Variants in MIGA2 observed in about 807,000 individuals in gnomAD.
The protein encoded by MIGA2 is family with sequence similarity 73, member B.
MIGA2 carries 36 observed loss-of-function variants against 69.9 expected under a neutral mutation model. That is an observed-to-expected ratio of 0.52 (90% CI 0.39 to 0.68). The LOEUF is 0.68. Ranked by LOEUF, MIGA2 falls within the 30% of genes least tolerant of loss-of-function variation. The pLI is 0.00. For synonymous variants in MIGA2, 333 were observed against 349.2 expected (o/e 0.95, Z 0.52); for missense variants, 660 against 787.7 (o/e 0.84, Z 1.94).
intron 1 of MIGA2, among the ~76,000 whole-genome samples, chr9:129,037,222 G>A (rs1308917276): frequency 6.6e-6 from 1 of 152,124 alleles, no homozygotes; most frequent in African/African-American, 2.4e-5. Context: ...AGTCGGGGAC[G>A]TTGTTGGGGT....
chr9:129,060,557 C>G lies in MIGA2; in HGVS notation c.801C>G (p.Thr267=). 1 of 1,595,364 alleles carries G rather than the reference C, an allele frequency of 6.3e-7. No homozygotes were observed. Among genetic ancestry groups the G allele is most frequent in the Non-Finnish European group, 8.5e-7 (1 of 1,170,532 alleles). The change falls in exon 8 of 16, where the codon ACC becomes ACG. Residue 267 remains threonine, a synonymous_variant. Coordinates refer to ENST00000684074, the MANE Select transcript of MIGA2 (RefSeq NM_001329990.2). This position sits in a 1 kb window ranked among gnomAD's most constrained non-coding sequence, Gnocchi z 4.8. ...TCTCACTGCTCTTCCCAGAGAGGAC[C>G]CTCATGCTGCCCCTGACCGAGGGCT... is the stretch of plus-strand genomic sequence containing the variant. ...ADSMLLDLER[T]LMLPLTEGSL...
intron 5 of MIGA2, 103 bp downstream of exon 5, chr9:129,049,601 C>A: frequency 7.7e-7 from 1 of 1,296,512 alleles, no homozygotes; most frequent in East Asian, 2.4e-5. Flanking sequence ...CCTCACTACC[C>A]TGCCCCAAAT....
intron 3 of MIGA2, among the ~76,000 whole-genome samples, chr9:129,045,463 A>AAAAAAGC (rs1554839071): frequency 6.2e-5 from 9 of 144,858 alleles, no homozygotes; most frequent in African/African-American, 2.2e-4. Flanking sequence ...AAAAAAAAAA[A>AAAAAAGC]AAAAGCAAAA....
chr9:129,058,397 T>G (rs1845897902), intron 6 of MIGA2, among the ~76,000 whole-genome samples: 1 of 147,072 alleles, frequency 6.8e-6, no homozygotes. Context: ...AACGAGACCT[T>G]GTCTCAAAAA....
rs1846554688 is a variant in MIGA2 at position 129,069,556 on chromosome 9, G to A, written c.1459-293G>A. ...CCTGTGGTTTGTCGTTCCCCTCTGC[G>A]GGCCAGGCTCTGTTGCCTAGCTGAT... On this transcript the variant is annotated intron_variant, in intron 14 of 15. Coordinates refer to ENST00000684074, the MANE Select transcript of MIGA2 (RefSeq NM_001329990.2). The surrounding 1 kb of genome is among the most constrained non-coding windows in gnomAD (Gnocchi z 4.9). 1 of 530,186 alleles carries A rather than the reference G, an allele frequency of 1.9e-6. No homozygotes were observed. The highest frequency in any genetic ancestry group is 3.4e-6 in the Non-Finnish European group (1 of 292,770). The allele number at this position is 530,186 out of a possible 1,614,324, so 32.8% of individuals were successfully genotyped here. A position where few individuals can be genotyped will look rare whatever the true frequency, so the allele number is the denominator to read the frequency against.
At chr9:129,045,975 T>C (rs1393928935) in intron 3 of MIGA2, among the ~76,000 whole-genome samples, 1 of 151,562 alleles carries the variant, frequency 6.6e-6, no homozygotes, top group Non-Finnish European at 1.5e-5. Context: ...TGCCTCAGCC[T>C]CCTGAGTAGC....
At position 129,069,152 on chromosome 9, in the gene MIGA2, G is replaced by A. The variant is rs749757542; in HGVS notation, c.1458+23G>A. On this transcript the variant is annotated intron_variant, in intron 14 of 15. Transcript: ENST00000684074. The surrounding 1 kb of genome is among the most constrained non-coding windows in gnomAD (Gnocchi z 4.9). ...ATGGTGAGTGACTGGCAGGCCCGGG[G>A]GAGCACGAGCTGGGCTCTGAGGCAG... 4 of 1,613,456 alleles carry A rather than the reference G, an allele frequency of 2.5e-6. No homozygotes were observed. The highest frequency in any genetic ancestry group is 2.7e-5 in the African/African-American group (2 of 74,922).
rs1348780553 is a variant in MIGA2, at chr9:129,061,507, C to T, written c.1010+161C>T. Among the ~76,000 whole-genome samples, 2 of 152,182 alleles carry T rather than the reference C, an allele frequency of 1.3e-5. No individual in the cohort carries two copies. Among genetic ancestry groups the T allele is most frequent in the East Asian group, 3.8e-4 (2 of 5,196 alleles). Reference sequence around the variant, plus strand: ...GAGCTGGTGACAGCTCCTCCCCCAGCTGCAGAGGGCCTGGATGGACCCATA... The same window carrying T: ...GAGCTGGTGACAGCTCCTCCCCCAGTTGCAGAGGGCCTGGATGGACCCATA... On this transcript the variant is annotated intron_variant, in intron 9 of 15. Transcript: ENST00000684074. This position sits in a 1 kb window ranked among gnomAD's most constrained non-coding sequence, Gnocchi z 5.0.
intron 6 of MIGA2, among the ~76,000 whole-genome samples, chr9:129,056,754 A>G (rs1845816424): frequency 6.8e-6 from 1 of 147,218 alleles, no homozygotes; most frequent in Non-Finnish European, 1.5e-5. Context: ...CCTGACCTCA[A>G]GTGATCTGCC....
At chr9:129,050,857 C>T (rs190368774) in intron 6 of MIGA2, among the ~76,000 whole-genome samples, 21 of 151,524 alleles carry the variant, frequency 1.4e-4, no homozygotes, top group African/African-American at 1.9e-4. Context: ...AGGTGTGAGC[C>T]ACTGCACCCT....
At chr9:129,070,091 C>T in intron 15 of MIGA2, 126 bp downstream of exon 15, 1 of 1,218,114 alleles carries the variant, frequency 8.2e-7, no homozygotes, top group Non-Finnish European at 1.2e-6. Context: ...AGAGCCAGAC[C>T]CACATGGGTC....
At chr9:129,048,812 G>C (rs1472263194) in intron 4 of MIGA2, among the ~76,000 whole-genome samples, 1 of 152,188 alleles carries the variant, frequency 6.6e-6, no homozygotes, top group Non-Finnish European at 1.5e-5. Context: ...ATCAGCCACT[G>C]ACAAGCACCT....
At chr9:129,044,067 C>A (rs1447615162) in intron 3 of MIGA2, among the ~76,000 whole-genome samples, 1 of 150,814 alleles carries the variant, frequency 6.6e-6, no homozygotes, top group Non-Finnish European at 1.5e-5. Flanking sequence ...GGTCTCTGCT[C>A]ACTGTAGCCT....
Position 129,068,399 on chromosome 9 carries a change from T to C in MIGA2, c.1404+67T>C. ...CAGCCCGTGTGGTTGCCTGGCTCCG[T>C]CCCCTCTGTCCCTAGCACTGGCACC... On this transcript the variant is annotated intron_variant, in intron 13 of 15. Coordinates refer to ENST00000684074, the MANE Select transcript of MIGA2 (RefSeq NM_001329990.2). The surrounding 1 kb of genome is among the most constrained non-coding windows in gnomAD (Gnocchi z 4.1). 2 of 1,582,264 alleles carry C rather than the reference T, an allele frequency of 1.3e-6. No homozygotes were observed. Among genetic ancestry groups the C allele is most frequent in the Non-Finnish European group, 8.5e-7 (1 of 1,170,730 alleles).
chr9:129,069,244 C>T lies in MIGA2; in HGVS notation c.1458+115C>T, dbSNP rs1432948737. On this transcript the variant is annotated intron_variant, in intron 14 of 15. Transcript: ENST00000684074. This position sits in a 1 kb window ranked among gnomAD's most constrained non-coding sequence, Gnocchi z 4.9. ...CACTTGGCCTTCACCGCTCACAGTC[C>T]TGGCCCCCTTGTTCCGCCGTTACCT... is the stretch of plus-strand genomic sequence containing the variant. 6.0e-6 allele frequency: 8 copies of T among 1,330,252 alleles called. No individual in the cohort carries two copies. The highest frequency in any genetic ancestry group is 2.9e-5 in the African/African-American group (2 of 69,598). 82.4% of individuals were successfully genotyped at this position (1,330,252 alleles called of 1,614,324 possible). A position where few individuals can be genotyped will look rare whatever the true frequency, so the allele number is the denominator to read the frequency against.
intron 1 of MIGA2, among the ~76,000 whole-genome samples, chr9:129,037,415 G>A (rs1180093252): frequency 6.6e-6 from 1 of 152,172 alleles, no homozygotes; most frequent in Non-Finnish European, 1.5e-5. Flanking sequence ...CTGCCCAAGT[G>A]GGGCCAGGCC....
chr9:129,045,849 G>GT lies in MIGA2; in HGVS notation c.308-2565dup, dbSNP rs373346685. Among the ~76,000 whole-genome samples, 983 of 135,818 alleles carry GT rather than the reference G, an allele frequency of 7.2e-3. 4 individuals are homozygous for GT. Among genetic ancestry groups the GT allele is most frequent in the African/African-American group, 0.013 (484 of 37,186 alleles). The allele number at this position is 135,818 out of a possible 152,430, so 89.1% of individuals were successfully genotyped here. ...TTAGAATTGGAAAAATAAGTGTTTT[G>GT]TTTTTTTTTTTTTGGTTTTTTTTTA... On this transcript the variant is annotated intron_variant, in intron 3 of 15. Transcript: ENST00000684074.
intron 6 of MIGA2, 96 bp downstream of exon 6, chr9:129,050,059 C>A: frequency 1.4e-6 from 2 of 1,446,084 alleles, no homozygotes; most frequent in Non-Finnish European, 1.9e-6. Flanking sequence ...GTCTCCTGTC[C>A]TCTGAGACTG....
intron 12 of MIGA2, 128 bp downstream of exon 12, chr9:129,067,999 C>T (rs535226943): frequency 4.2e-5 from 54 of 1,275,334 alleles, no homozygotes; most frequent in African/African-American, 3.5e-4. Context: ...TCATAGTCCC[C>T]GGTTCCTGCC....
Sources: gnomAD v4.1 joint callset for allele counts (sites outside exome capture counted in the v4.1 genomes callset) on GRCh38, gnomAD v4.1.1 for gene constraint, Gnocchi (gnomAD v3.1) non-coding constraint, MANE v1.5 for transcripts, NCBI Gene and HGNC (gene_info 2026-07-23, HGNC 2026-07-21) for gene names.